Variants in BHLHE22 observed in about 807,000 individuals in gnomAD.
BHLHE22 encodes the protein class E basic helix-loop-helix protein 22.
Under a neutral mutation model 17.6 loss-of-function variants are expected in BHLHE22, and 8 were observed. That is an observed-to-expected ratio of 0.45 (90% CI 0.27 to 0.82). The LOEUF is 0.82. Ranked by LOEUF, BHLHE22 falls within the 40% of genes least tolerant of loss-of-function variation. The pLI is 0.16. For synonymous variants in BHLHE22, 353 were observed against 282.7 expected (o/e 1.25, Z -2.49); for missense variants, 570 against 581.5 (o/e 0.98, Z 0.20).
Position 64,581,228 on chromosome 8 carries a change from G to A in BHLHE22, c.438G>A (p.Gln146=), listed in dbSNP as rs747110238. The A allele has an allele frequency of 6.9e-7, 1 of 1,454,248 alleles. No homozygotes were observed. Among genetic ancestry groups the A allele is most frequent in the East Asian group, 2.8e-5 (1 of 36,090 alleles). The allele number at this position is 1,454,248 out of a possible 1,614,324, so 90.1% of individuals were successfully genotyped here. ...GSVAESSGGE[Q]SPDDDSDGRC... is the part of the protein sequence containing the mutation. ...TGGCCGAGAGCAGCGGCGGCGAGCA[G>A]AGCCCCGACGACGACAGCGACGGTC... is the stretch of plus-strand genomic sequence containing the variant. The change falls in exon 1 of 1, where the codon CAG becomes CAA. Residue 146 remains glutamine, a synonymous_variant. Transcript: ENST00000321870. The surrounding 1 kb of genome is among the most constrained non-coding windows in gnomAD (Gnocchi z 6.4).
Position 64,581,477 on chromosome 8 carries a change from C to T in BHLHE22, c.687C>T (p.Ser229=). Residue 229 remains serine, a synonymous_variant, in exon 1 of 1, where the codon AGC becomes AGT. Transcript: ENST00000321870. This position sits in a 1 kb window ranked among gnomAD's most constrained non-coding sequence, Gnocchi z 6.4. ...SGSGSGGSSS[S]SSSSSKKSKE... ...GCGGCAGCGGCGGCAGCAGCAGCAG[C>T]AGCAGCAGCAGCAGCAAGAAATCCA... 2 of 1,554,116 alleles carry T rather than the reference C, an allele frequency of 1.3e-6. No individual in the cohort carries two copies. The highest frequency in any genetic ancestry group is 2.4e-5 in the East Asian group (1 of 41,576).
At position 64,580,724 on chromosome 8, in the gene BHLHE22, C is replaced by A; in HGVS notation, c.-67C>A. ...CGCGCGCGTCTGTGGGGCCGCCTGA[C>A]TCCGGGGCCGAGGCGGCGGCGGCGG... On this transcript the variant is annotated 5_prime_UTR_variant, in exon 1 of 1. Transcript: ENST00000321870. 1.0e-6 allele frequency: 1 copy of A among 980,688 alleles called. No individual in the cohort carries two copies. The highest frequency in any genetic ancestry group is 1.2e-6 in the Non-Finnish European group (1 of 821,460). 60.7% of individuals were successfully genotyped at this position (980,688 alleles called of 1,614,324 possible). A position where few individuals can be genotyped will look rare whatever the true frequency, so the allele number is the denominator to read the frequency against.
chr8:64,582,080 C>T lies in BHLHE22; in HGVS notation c.*144C>T. The T allele has an allele frequency of 2.0e-6, 2 of 978,350 alleles. No individual in the cohort carries two copies. The highest frequency in any genetic ancestry group is 1.6e-5 in the South Asian group (1 of 64,010). 60.6% of individuals were successfully genotyped at this position (978,350 alleles called of 1,614,324 possible). ...AGAGGCAAGAACTGAGGAGAAGTATCAGAGACAAACGGGACTTTTAGCCTT... is the reference window on the plus strand; with the variant it reads ...AGAGGCAAGAACTGAGGAGAAGTATTAGAGACAAACGGGACTTTTAGCCTT... On this transcript the variant is annotated 3_prime_UTR_variant, in exon 1 of 1. Coordinates refer to ENST00000321870, the MANE Select transcript of BHLHE22 (RefSeq NM_152414.5).
chr8:64,580,878 C>A lies in BHLHE22; in HGVS notation c.88C>A (p.Arg30Ser), dbSNP rs769860258. Residue 30 changes from arginine (R) to serine (S), a missense_variant, in exon 1 of 1, where the codon CGC becomes AGC. Coordinates refer to ENST00000321870, the MANE Select transcript of BHLHE22 (RefSeq NM_152414.5). Reference sequence around the variant, plus strand: ...GAGCCTGAGCGCCTCCACCTCCAAGCGCTTGGAAGCGGCTTTCCGCTCCAC... The same window carrying A: ...GAGCCTGAGCGCCTCCACCTCCAAGAGCTTGGAAGCGGCTTTCCGCTCCAC... ...HKSLSASTSK[R>S]LEAAFRSTPP... is the part of the protein sequence containing the mutation. 5 of 1,519,282 alleles carry A rather than the reference C, an allele frequency of 3.3e-6. No individual in the cohort carries two copies. The highest frequency in any genetic ancestry group is 4.2e-5 in the Admixed American group (2 of 47,596). 94.1% of individuals were successfully genotyped at this position (1,519,282 alleles called of 1,614,324 possible). A position where few individuals can be genotyped will look rare whatever the true frequency, so the allele number is the denominator to read the frequency against.
Position 64,580,935 on chromosome 8 carries a change from C to A in BHLHE22, c.145C>A (p.Pro49Thr). The A allele has an allele frequency of 6.8e-7, 1 of 1,479,762 alleles. No individual in the cohort carries two copies. The highest frequency in any genetic ancestry group is 8.9e-7 in the Non-Finnish European group (1 of 1,123,352). The allele number at this position is 1,479,762 out of a possible 1,614,324, so 91.7% of individuals were successfully genotyped here. The change falls in exon 1 of 1, where the codon CCG (proline) becomes ACG (threonine). Residue 49 changes from proline (P) to threonine (T), a missense_variant. By Grantham distance (38) the Pro-to-Thr change is conservative. Transcript: ENST00000321870. ...PPGMDLSLAP[P>T]PRERPASSSS... ...GGGCATGGACCTGTCCCTGGCGCCG[C>A]CGCCTCGGGAACGCCCGGCGTCCTC...
At position 64,580,704 on chromosome 8, in the gene BHLHE22, G is replaced by A. The variant is rs1804874853; in HGVS notation, c.-87G>A. The A allele has an allele frequency of 1.2e-6, 1 of 846,972 alleles. No individual in the cohort carries two copies. The highest frequency in any genetic ancestry group is 1.4e-6 in the Non-Finnish European group (1 of 700,248). 52.5% of individuals were successfully genotyped at this position (846,972 alleles called of 1,614,324 possible). The stretch of plus-strand genomic sequence containing the variant: ...ACCAGCTCCGGAGCCCAGCTCGCGC[G>A]CGTCTGTGGGGCCGCCTGACTCCGG... On this transcript the variant is annotated 5_prime_UTR_variant, in exon 1 of 1. Coordinates refer to ENST00000321870, the MANE Select transcript of BHLHE22 (RefSeq NM_152414.5).
In BHLHE22 at chr8:64,581,485, G is replaced by T; in HGVS notation, c.695G>T (p.Ser232Ile). Residue 232 changes from serine to isoleucine, a missense_variant, in exon 1 of 1, where the codon AGC becomes ATC. Ser to Ile is a moderately radical substitution (Grantham distance 142, BLOSUM62 -2). Transcript: ENST00000321870. The surrounding 1 kb of genome is among the most constrained non-coding windows in gnomAD (Gnocchi z 6.4). Reference sequence around the variant, plus strand: ...GGCGGCAGCAGCAGCAGCAGCAGCAGCAGCAGCAAGAAATCCAAAGAGCAA... The same window carrying T: ...GGCGGCAGCAGCAGCAGCAGCAGCATCAGCAGCAAGAAATCCAAAGAGCAA... Reference protein sequence around the residue: ...GSGGSSSSSSSSSKKSKEQKA... With the variant: ...GSGGSSSSSSISSKKSKEQKA... The T allele has an allele frequency of 6.4e-7, 1 of 1,565,932 alleles. No individual in the cohort carries two copies. Among genetic ancestry groups the T allele is most frequent in the Non-Finnish European group, 8.6e-7 (1 of 1,161,504 alleles).
Position 64,581,454 on chromosome 8 carries a change from G to A in BHLHE22, c.664G>A (p.Gly222Ser), listed in dbSNP as rs1298480832. The A allele has an allele frequency of 6.5e-6, 10 of 1,537,884 alleles. No individual in the cohort carries two copies. Among genetic ancestry groups the A allele is most frequent in the East Asian group, 2.4e-5 (1 of 40,928 alleles). ...TGGCGGCGGTGGCGGTAGCGGTAGC[G>A]GCAGCGGCGGCAGCAGCAGCAGCAG... Reference protein sequence around the residue: ...SSGGGGGSGSGSGGSSSSSSS... With the variant: ...SSGGGGGSGSSSGGSSSSSSS... The change falls in exon 1 of 1, where the codon GGC (glycine) becomes AGC (serine). Residue 222 changes from glycine to serine, a missense_variant. Coordinates refer to ENST00000321870, the MANE Select transcript of BHLHE22 (RefSeq NM_152414.5). The surrounding 1 kb of genome is among the most constrained non-coding windows in gnomAD (Gnocchi z 6.4).
chr8:64,583,318 C>G lies in BHLHE22; in HGVS notation c.*1382C>G, dbSNP rs1395364606. On this transcript the variant is annotated 3_prime_UTR_variant, in exon 1 of 1. Transcript: ENST00000321870. ...AAGAAAACTAAGGAAGAACAAGAAGCTATTTACCCAAAGTGAGCTTTCAGT... is the reference window on the plus strand; with the variant it reads ...AAGAAAACTAAGGAAGAACAAGAAGGTATTTACCCAAAGTGAGCTTTCAGT... The G allele has an allele frequency of 6.0e-6, 1 of 167,048 alleles. No homozygotes were observed. The highest frequency in any genetic ancestry group is 6.5e-5 in the Admixed American group (1 of 15,278). 10.3% of individuals were successfully genotyped at this position (167,048 alleles called of 1,614,324 possible).
In BHLHE22 at chr8:64,582,173, T is replaced by A; in HGVS notation, c.*237T>A. The A allele has an allele frequency of 1.7e-6, 1 of 573,808 alleles. No homozygotes were observed. The highest frequency in any genetic ancestry group is 3.1e-6 in the Non-Finnish European group (1 of 326,152). The allele number at this position is 573,808 out of a possible 1,614,324, so 35.5% of individuals were successfully genotyped here. A position where few individuals can be genotyped will look rare whatever the true frequency, so the allele number is the denominator to read the frequency against. ...GGAGGGAGGTGGAGTTGGGATGGAG[T>A]ATGGATGTCTTTTTTTTCTCAGAAA... On this transcript the variant is annotated 3_prime_UTR_variant, in exon 1 of 1. Coordinates refer to ENST00000321870, the MANE Select transcript of BHLHE22 (RefSeq NM_152414.5).
Position 64,581,256 on chromosome 8 carries a change from T to C in BHLHE22, c.466T>C (p.Cys156Arg). The change falls in exon 1 of 1, where the codon TGC becomes CGC. Residue 156 changes from cysteine (C) to arginine (R), a missense_variant. Around this residue, in one of 3 missense-constraint regions of BHLHE22, gnomAD observed 427 missense variants for 376.2 expected, o/e 1.14. Transcript: ENST00000321870. This position sits in a 1 kb window ranked among gnomAD's most constrained non-coding sequence, Gnocchi z 6.4. ...QSPDDDSDGRCELVLRAGVAD... is the reference protein window; with the variant it reads ...QSPDDDSDGRRELVLRAGVAD... ...CCCCGACGACGACAGCGACGGTCGC[T>C]GCGAGCTCGTGCTGCGGGCCGGAGT... 2.1e-6 allele frequency: 3 copies of C among 1,448,662 alleles called. No homozygotes were observed. Among genetic ancestry groups the C allele is most frequent in the Non-Finnish European group, 2.7e-6 (3 of 1,113,868 alleles). 89.7% of individuals were successfully genotyped at this position (1,448,662 alleles called of 1,614,324 possible). A position where few individuals can be genotyped will look rare whatever the true frequency, so the allele number is the denominator to read the frequency against.
At position 64,581,580 on chromosome 8, in the gene BHLHE22, G is replaced by T. The variant is rs1169031138; in HGVS notation, c.790G>T (p.Glu264Ter). The change falls in exon 1 of 1, where the codon GAG becomes TAG. Residue 264 changes from glutamate to a stop codon, truncating the protein, a stop_gained. Coordinates refer to ENST00000321870, the MANE Select transcript of BHLHE22 (RefSeq NM_152414.5). LOFTEE classifies it high-confidence loss of function. This position sits in a 1 kb window ranked among gnomAD's most constrained non-coding sequence, Gnocchi z 6.4. ...RMHDLNDALD[E>*]LRAVIPYAHS... is the part of the protein sequence containing the mutation. ...GCACGACCTGAACGACGCGCTGGAC[G>T]AGCTGCGCGCGGTGATCCCCTACGC... is the stretch of plus-strand genomic sequence containing the variant. 6.2e-7 allele frequency: 1 copy of T among 1,612,252 alleles called. No homozygotes were observed. The highest frequency in any genetic ancestry group is 8.5e-7 in the Non-Finnish European group (1 of 1,179,774).
At position 64,580,905 on chromosome 8, in the gene BHLHE22, C is replaced by A. The variant is rs753506767; in HGVS notation, c.115C>A (p.Pro39Thr). 3 of 1,522,262 alleles carry A rather than the reference C, an allele frequency of 2.0e-6. No homozygotes were observed. Among genetic ancestry groups the A allele is most frequent in the South Asian group, 1.2e-5 (1 of 80,944 alleles). 94.3% of individuals were successfully genotyped at this position (1,522,262 alleles called of 1,614,324 possible). A position where few individuals can be genotyped will look rare whatever the true frequency, so the allele number is the denominator to read the frequency against. Residue 39 changes from proline (P) to threonine (T), a missense_variant, in exon 1 of 1, where the codon CCC becomes ACC. By Grantham distance (38) the Pro-to-Thr change is conservative. Coordinates refer to ENST00000321870, the MANE Select transcript of BHLHE22 (RefSeq NM_152414.5). ...CTTGGAAGCGGCTTTCCGCTCCACG[C>A]CCCCGGGCATGGACCTGTCCCTGGC... Reference protein sequence around the residue: ...KRLEAAFRSTPPGMDLSLAPP... With the variant: ...KRLEAAFRSTTPGMDLSLAPP...
In BHLHE22 at chr8:64,582,059, G is replaced by C; in HGVS notation, c.*123G>C. 8.6e-7 allele frequency: 1 copy of C among 1,163,656 alleles called. No individual in the cohort carries two copies. Among genetic ancestry groups the C allele is most frequent in the South Asian group, 1.4e-5 (1 of 70,578 alleles). The allele number at this position is 1,163,656 out of a possible 1,614,324, so 72.1% of individuals were successfully genotyped here. ...CACTTGCAGAGCAAACAAAGCAGAG[G>C]CAAGAACTGAGGAGAAGTATCAGAG... On this transcript the variant is annotated 3_prime_UTR_variant, in exon 1 of 1. Coordinates refer to ENST00000321870, the MANE Select transcript of BHLHE22 (RefSeq NM_152414.5).
Position 64,581,232 on chromosome 8 carries a change from C to G in BHLHE22, c.442C>G (p.Pro148Ala), listed in dbSNP as rs1804891040. ...CGAGAGCAGCGGCGGCGAGCAGAGC[C>G]CCGACGACGACAGCGACGGTCGCTG... is the stretch of plus-strand genomic sequence containing the variant. ...VAESSGGEQS[P>A]DDDSDGRCEL... The change falls in exon 1 of 1, where the codon CCC becomes GCC. Residue 148 changes from proline (P) to alanine (A), a missense_variant. By Grantham distance (27) the Pro-to-Ala change is conservative (BLOSUM62 -1). This residue lies in a region of BHLHE22 where 427 missense variants were observed against 376.2 expected (regional missense o/e 1.14). Coordinates refer to ENST00000321870, the MANE Select transcript of BHLHE22 (RefSeq NM_152414.5). The surrounding 1 kb of genome is among the most constrained non-coding windows in gnomAD (Gnocchi z 6.4). 6.9e-7 allele frequency: 1 copy of G among 1,455,990 alleles called. No individual in the cohort carries two copies. The highest frequency in any genetic ancestry group is 9.0e-7 in the Non-Finnish European group (1 of 1,115,446). The allele number at this position is 1,455,990 out of a possible 1,614,324, so 90.2% of individuals were successfully genotyped here. A position where few individuals can be genotyped will look rare whatever the true frequency, so the allele number is the denominator to read the frequency against.
Position 64,581,451 on chromosome 8 carries a change from A to AGCG in BHLHE22, c.664_666dup (p.Gly222dup). The AGCG allele has an allele frequency of 6.6e-7, 1 of 1,512,224 alleles. No homozygotes were observed. The highest frequency in any genetic ancestry group is 8.8e-7 in the Non-Finnish European group (1 of 1,132,992). 93.7% of individuals were successfully genotyped at this position (1,512,224 alleles called of 1,614,324 possible). Reference sequence around the variant, plus strand: ...CAGTGGCGGCGGTGGCGGTAGCGGTAGCGGCAGCGGCGGCAGCAGCAGCAG... The same window carrying AGCG: ...CAGTGGCGGCGGTGGCGGTAGCGGTAGCGGCGGCAGCGGCGGCAGCAGCAGCAG... On this transcript the variant is annotated inframe_insertion, in exon 1 of 1. Transcript: ENST00000321870. The surrounding 1 kb of genome is among the most constrained non-coding windows in gnomAD (Gnocchi z 6.4).
chr8:64,582,142 G>T lies in BHLHE22; in HGVS notation c.*206G>T. 12 of 440,130 alleles carry T rather than the reference G, an allele frequency of 2.7e-5. No individual in the cohort carries two copies. Among genetic ancestry groups the T allele is most frequent in the Non-Finnish European group, 4.2e-5 (10 of 237,540 alleles). The allele number at this position is 440,130 out of a possible 1,614,324, so 27.3% of individuals were successfully genotyped here. On this transcript the variant is annotated 3_prime_UTR_variant, in exon 1 of 1. Transcript: ENST00000321870. ...AATCTCGGTCTTTGGGGTGGGGAGG[G>T]AGGGAGGAGGGAGGTGGAGTTGGGA... is the stretch of plus-strand genomic sequence containing the variant.
chr8:64,580,988 G>A lies in BHLHE22; in HGVS notation c.198G>A (p.Glu66=). The change falls in exon 1 of 1, where the codon GAG becomes GAA. Residue 66 remains glutamate, a synonymous_variant. Transcript: ENST00000321870. Reference sequence around the variant, plus strand: ...CCTCGTCGCCCCTGGGCTGCTTCGAGCCGGCTGACCCCGAGGGGGCAGGGC... The same window carrying A: ...CCTCGTCGCCCCTGGGCTGCTTCGAACCGGCTGACCCCGAGGGGGCAGGGC... ...SSSSSPLGCF[E]PADPEGAGLL... 3 of 1,358,544 alleles carry A rather than the reference G, an allele frequency of 2.2e-6. No individual in the cohort carries two copies. The highest frequency in any genetic ancestry group is 3.5e-5 in the Admixed American group (1 of 28,848). The allele number at this position is 1,358,544 out of a possible 1,614,324, so 84.2% of individuals were successfully genotyped here.
rs755688454 is a variant in BHLHE22, at chr8:64,580,832, G to A, written c.42G>A (p.Glu14=). The A allele has an allele frequency of 2.2e-5, 32 of 1,473,218 alleles. No individual in the cohort carries two copies. The highest frequency in any genetic ancestry group is 4.7e-5 in the Admixed American group (2 of 42,148). 91.3% of individuals were successfully genotyped at this position (1,473,218 alleles called of 1,614,324 possible). Residue 14 remains glutamate, a synonymous_variant, in exon 1 of 1, where the codon GAG becomes GAA. Coordinates refer to ENST00000321870, the MANE Select transcript of BHLHE22 (RefSeq NM_152414.5). Reference sequence around the variant, plus strand: ...ACCTCGGTGCAGCGGCCGCCGGCGAGGACGACCTCTTCCTGCACAAGAGCC... The same window carrying A: ...ACCTCGGTGCAGCGGCCGCCGGCGAAGACGACCTCTTCCTGCACAAGAGCC... The part of the protein sequence containing the change: ...GMHLGAAAAG[E]DDLFLHKSLS...
Sources: gnomAD v4.1 joint callset for allele counts on GRCh38, gnomAD v4.1.1 for gene constraint, gnomAD v4.1.1 regional missense constraint, Gnocchi (gnomAD v3.1) non-coding constraint, MANE v1.5 for transcripts, NCBI Gene and HGNC (gene_info 2026-07-23, HGNC 2026-07-21) for gene names.